The following SPAG16 variants were observed in gnomAD, a reference collection of about 807,000 sequenced individuals.
SPAG16 encodes sperm-associated antigen 16 protein.
In SPAG16, 86 loss-of-function variants were observed where a neutral mutation model predicts 80.4. That is an observed-to-expected ratio of 1.07 (90% CI 0.90 to 1.28). The LOEUF (loss-of-function observed/expected upper bound fraction) is 1.28. SPAG16 is among the 50% of genes most tolerant of loss of function. The pLI, the probability that SPAG16 is intolerant of heterozygous loss-of-function variation, is 0.00. For missense variants in SPAG16, 870 were observed against 765.3 expected (o/e 1.14, Z -1.61); for synonymous variants, 294 against 265.9 (o/e 1.11, Z -1.03).
intron 5 of SPAG16, among the ~76,000 whole-genome samples, chr2:213,326,609 C>A (rs2063852009): frequency 1.3e-5 from 2 of 151,856 alleles, no homozygotes; most frequent in South Asian, 2.1e-4. Context: ...TAAATAAATT[C>A]ATTTATAACC....
At chr2:214,279,870 T>C (rs1225634604) in intron 15 of SPAG16, among the ~76,000 whole-genome samples, 1 of 152,090 alleles carries the variant, frequency 6.6e-6, no homozygotes, top group Non-Finnish European at 1.5e-5. Flanking sequence ...TCCCCAAATA[T>C]TTGAAAATCA....
intron 9 of SPAG16, among the ~76,000 whole-genome samples, chr2:213,385,274 T>G (rs1178668875): frequency 1.3e-5 from 2 of 152,222 alleles, no homozygotes; most frequent in Non-Finnish European, 2.9e-5. Flanking sequence ...CTTAGTTTGG[T>G]AATCACTTTT....
intron 13 of SPAG16, among the ~76,000 whole-genome samples, chr2:214,089,086 C>T (rs1423214773): frequency 6.6e-6 from 1 of 152,026 alleles, no homozygotes; most frequent in Non-Finnish European, 1.5e-5. Flanking sequence ...TCCATTCCCA[C>T]CTTCTCAAAC....
rs181144045 is a variant in SPAG16, at chr2:213,338,701, T to C, written c.537-1462T>C. Among the ~76,000 whole-genome samples, 99 of 152,304 alleles carry C rather than the reference T, an allele frequency of 6.5e-4. 1 individual carries two copies. ...GCAGCCATAAAAAGGAATGGGACCA[T>C]GTCCTTTGTAGCGACATGGATGGAG... On this transcript the variant is annotated intron_variant, in intron 5 of 15. Coordinates refer to ENST00000331683, the MANE Select transcript of SPAG16 (RefSeq NM_024532.5).
chr2:214,075,786 A>G (rs575611869), intron 13 of SPAG16, among the ~76,000 whole-genome samples: 6 of 152,158 alleles, frequency 3.9e-5, no homozygotes, highest in Non-Finnish European at 8.8e-5. Flanking sequence ...GTAGCGCTAT[A>G]TGACTTCATG....
At chr2:213,317,391 T>C (rs755411314) in intron 5 of SPAG16, 35 bp downstream of exon 5, 2 of 1,585,386 alleles carry the variant, frequency 1.3e-6, no homozygotes, top group African/African-American at 1.4e-5. Context: ...TTCTTCTTTT[T>C]CTTTTGGACT....
chr2:214,187,677 T>C (rs757200674), intron 15 of SPAG16, among the ~76,000 whole-genome samples: 10 of 144,040 alleles, frequency 6.9e-5, no homozygotes, highest in Non-Finnish European at 1.3e-4. Flanking sequence ...AACAATAATG[T>C]CTGCCATAAC....
intron 15 of SPAG16, among the ~76,000 whole-genome samples, chr2:214,347,088 A>T (rs1698098951): frequency 1.3e-5 from 2 of 152,194 alleles, no homozygotes; most frequent in Admixed American, 6.5e-5. Context: ...AGCCTTGAAG[A>T]TGCTATTGGT....
intron 12 of SPAG16, among the ~76,000 whole-genome samples, chr2:213,949,179 T>TTTTTTTTTTTTTTTTTTTTTTTGTTTTG (rs1553677674): frequency 4.1e-4 from 15 of 36,246 alleles, no homozygotes; most frequent in Admixed American, 9.5e-4. Context: ...GTTTTTTTTT[T>TTTTTTTTTTTTTTTTTTTTTTTGTTTTG]TTTTTTTTTT....
intron 12 of SPAG16, among the ~76,000 whole-genome samples, chr2:214,010,156 A>T (rs1397908063): frequency 6.8e-6 from 1 of 146,470 alleles, no homozygotes; most frequent in Non-Finnish European, 1.5e-5. Flanking sequence ...TAAAAAGCAG[A>T]CTGAAAAAGA....
At chr2:213,340,028 T>C in intron 5 of SPAG16, 135 bp from the exon 6 acceptor site, 2 of 625,394 alleles carry the variant, frequency 3.2e-6, no homozygotes, top group South Asian at 4.3e-5. Context: ...ATGAGAATCT[T>C]CGATGAGAAT....
chr2:213,636,521 T>C (rs2062370469), intron 10 of SPAG16, among the ~76,000 whole-genome samples: 1 of 152,222 alleles, frequency 6.6e-6, no homozygotes, highest in African/African-American at 2.4e-5. Context: ...GGGAATTGCA[T>C]TGAATTTGTA....
chr2:213,364,241 T>G (rs2066153958), intron 8 of SPAG16, 96 bp downstream of exon 8: 3 of 560,674 alleles, frequency 5.4e-6, no homozygotes, highest in East Asian at 3.7e-5. Context: ...TAAAGGTGAG[T>G]AAGTGGTGGC....
intron 10 of SPAG16, among the ~76,000 whole-genome samples, chr2:213,719,010 C>G (rs1421963922): frequency 1.3e-5 from 2 of 152,160 alleles, no homozygotes; most frequent in East Asian, 3.9e-4. Context: ...GTAAATACAC[C>G]AATCAGCACC....
At chr2:214,030,537 G>A (rs1361116296) in intron 13 of SPAG16, among the ~76,000 whole-genome samples, 2 of 152,146 alleles carry the variant, frequency 1.3e-5, no homozygotes, top group Non-Finnish European at 2.9e-5. Flanking sequence ...AGAGGTCCTG[G>A]ATTTTTAGTG....
chr2:213,744,893 C>A (rs367704609), intron 10 of SPAG16, among the ~76,000 whole-genome samples: 3 of 152,200 alleles, frequency 2.0e-5, no homozygotes, highest in East Asian at 3.8e-4. Flanking sequence ...TAACAAAATT[C>A]TGGCATTCAT....
chr2:213,922,600 C>G (rs4673794), intron 11 of SPAG16, among the ~76,000 whole-genome samples: 89,014 of 152,118 alleles, frequency 0.59, 27,856 homozygotes, highest in South Asian at 0.84. Context: ...AAAGAAGGTA[C>G]TCTGGCTTTT....
chr2:213,548,354 A>C (rs1215679937), intron 10 of SPAG16, among the ~76,000 whole-genome samples: 2 of 152,018 alleles, frequency 1.3e-5, no homozygotes, highest in Non-Finnish European at 2.9e-5. Flanking sequence ...CTGGGACTAC[A>C]GGCGCCCACC....
At chr2:213,590,669 TG>T (rs2060654428) in intron 10 of SPAG16, among the ~76,000 whole-genome samples, 1 of 152,198 alleles carries the variant, frequency 6.6e-6, no homozygotes, top group African/African-American at 2.4e-5. Flanking sequence ...GCTAAGGTTG[TG>T]GAGAAAATGG....
Sources: gnomAD v4.1 joint callset for allele counts (sites outside exome capture counted in the v4.1 genomes callset) on GRCh38, gnomAD v4.1.1 for gene constraint, MANE v1.5 for transcripts, NCBI Gene and HGNC (gene_info 2026-07-23, HGNC 2026-07-21) for gene names.